The following CPSF3 variants were observed in gnomAD, a reference collection of about 807,000 sequenced individuals.
The protein encoded by CPSF3 is cleavage and polyadenylation specific factor 3.
CPSF3 carries 57 observed loss-of-function variants against 84.1 expected under a neutral mutation model. The observed-to-expected ratio is 0.68, with a 90% CI of 0.55 to 0.85. The LOEUF (loss-of-function observed/expected upper bound fraction) is 0.85. Ranked by LOEUF, CPSF3 falls within the 40% of genes least tolerant of loss-of-function variation. CPSF3 has a pLI of 0.00. For missense variants in CPSF3, 522 were observed against 838.8 expected, an observed-to-expected ratio of 0.62 and a Z score of 4.66; for synonymous variants, 275 against 278.1, an observed-to-expected ratio of 0.99 and a Z score of 0.11.
At chr2:9,437,308 G>A (rs377181181) in intron 7 of CPSF3, among the ~76,000 whole-genome samples, 3 of 152,120 alleles carry the variant, frequency 2.0e-5, no homozygotes, top group Non-Finnish European at 2.9e-5. Context: ...GGAGGCTGGG[G>A]CATGAGAATT....
At chr2:9,471,247 C>A in intron 16 of CPSF3, 96 bp from the exon 17 acceptor site, 1 of 745,302 alleles carries the variant, frequency 1.3e-6, no homozygotes, top group Non-Finnish European at 2.4e-6. Context: ...ATACAGTATT[C>A]TGCTTTAGAA....
At chr2:9,436,581 G>A (rs1311190689) in intron 7 of CPSF3, among the ~76,000 whole-genome samples, 2 of 151,912 alleles carry the variant, frequency 1.3e-5, no homozygotes, top group Non-Finnish European at 2.9e-5. Flanking sequence ...AGACCAGCCT[G>A]ACCAAGATGG....
Position 9,428,470 on chromosome 2 carries a change from A to G in CPSF3, c.51-295A>G, listed in dbSNP as rs191802650. On this transcript the variant is annotated intron_variant, in intron 1 of 17. Coordinates refer to ENST00000238112, the MANE Select transcript of CPSF3 (RefSeq NM_016207.4). Reference sequence around the variant, plus strand: ...ATAATTTAATCCTAAAATTCAGAAAATTGAATTTAAATCAAGCCCAAACCT... The same window carrying G: ...ATAATTTAATCCTAAAATTCAGAAAGTTGAATTTAAATCAAGCCCAAACCT... Among the ~76,000 whole-genome samples the G allele has an allele frequency of 1.7e-4, 26 of 152,308 alleles. No individual in the cohort carries two copies. In the East Asian group the frequency reaches 4.4e-3, roughly 26 times the overall value.
intron 17 of CPSF3, 91 bp downstream of exon 17, chr2:9,471,530 G>C (rs1682164124): frequency 1.3e-6 from 1 of 772,000 alleles, no homozygotes; most frequent in East Asian, 2.5e-5. Context: ...ACAGTCTACT[G>C]TTGCATATTG....
chr2:9,466,644 C>T (rs1365241235), intron 15 of CPSF3, among the ~76,000 whole-genome samples: 2 of 152,178 alleles, frequency 1.3e-5, no homozygotes, highest in East Asian at 1.9e-4. Flanking sequence ...AACCCCATAT[C>T]CCTTACGTAT....
At chr2:9,424,418 A>G (rs1312846268) in intron 1 of CPSF3, 3 of 241,770 alleles carry the variant, frequency 1.2e-5, no homozygotes, top group Non-Finnish European at 2.0e-5. Flanking sequence ...TCGACTGTCC[A>G]TAAGGAGAGT....
At chr2:9,443,450 T>C (rs760117150) in intron 9 of CPSF3, 65 bp from the exon 10 acceptor site, 6 of 1,512,646 alleles carry the variant, frequency 4.0e-6, no homozygotes, top group Non-Finnish European at 4.5e-6. Context: ...ATGAAAAAAA[T>C]GAAAATGTAC....
At chr2:9,441,693 A>T in intron 8 of CPSF3, 125 bp from the exon 9 acceptor site, 1 of 960,934 alleles carries the variant, frequency 1.0e-6, no homozygotes, top group Non-Finnish European at 1.5e-6. Context: ...ATGTTTACAG[A>T]TCTTGTGAAG....
At chr2:9,437,355 G>T (rs1451085093) in intron 7 of CPSF3, among the ~76,000 whole-genome samples, 1 of 151,968 alleles carries the variant, frequency 6.6e-6, no homozygotes, top group Non-Finnish European at 1.5e-5. Flanking sequence ...AGTGAGCCGA[G>T]ATTGCACCAC....
rs927709904 is a variant in CPSF3, at chr2:9,452,099, T to G, written c.1396-814T>G. On this transcript the variant is annotated intron_variant, in intron 11 of 17. Transcript: ENST00000238112. ...ATTCCAACACTTTGGGAGGCCGAGG[T>G]GGGCAGATCATCTGAGGTCAGGAGT... Among the ~76,000 whole-genome samples the G allele has an allele frequency of 1.3e-5, 2 of 151,926 alleles. 1 individual carries two copies. Among genetic ancestry groups the G allele is most frequent in the African/African-American group, 4.8e-5 (2 of 41,402 alleles).
At chr2:9,439,921 A>G (rs1393759073) in intron 7 of CPSF3, among the ~76,000 whole-genome samples, 1 of 152,184 alleles carries the variant, frequency 6.6e-6, no homozygotes, top group East Asian at 1.9e-4. Context: ...TGAGGCTGCC[A>G]TGAGCCATGA....
chr2:9,451,065 T>G (rs1364746093), intron 11 of CPSF3, among the ~76,000 whole-genome samples: 1 of 152,104 alleles, frequency 6.6e-6, no homozygotes, highest in Non-Finnish European at 1.5e-5. Flanking sequence ...GTGGTGGATA[T>G]GTGGGGAGAA....
intron 4 of CPSF3, 137 bp from the exon 5 acceptor site, chr2:9,432,374 A>AT (rs1680621374): frequency 1.7e-6 from 1 of 592,714 alleles, no homozygotes; most frequent in South Asian, 6.6e-5. Flanking sequence ...TATCTGAGAA[A>AT]TTTTAAATAC....
Position 9,430,791 on chromosome 2 carries a change from A to G in CPSF3, c.252A>G (p.Leu84=), listed in dbSNP as rs993778541. ...LDHCGALPWF[L]QKTSFKGRTF... is the part of the protein sequence containing the mutation. ...ACTGTGGAGCTCTGCCCTGGTTTCTACAGAAGACAAGTTTCAAAGGAAGAA... is the reference window on the plus strand; with the variant it reads ...ACTGTGGAGCTCTGCCCTGGTTTCTGCAGAAGACAAGTTTCAAAGGAAGAA... Residue 84 remains leucine, a synonymous_variant, in exon 4 of 18, where the codon CTA becomes CTG. Transcript: ENST00000238112. 4 of 1,613,842 alleles carry G rather than the reference A, an allele frequency of 2.5e-6. No homozygotes were observed. The highest frequency in any genetic ancestry group is 2.2e-5 in the South Asian group (2 of 91,078).
At chr2:9,462,086 G>A (rs1390901436) in intron 15 of CPSF3, among the ~76,000 whole-genome samples, 1 of 152,182 alleles carries the variant, frequency 6.6e-6, no homozygotes, top group African/African-American at 2.4e-5. Context: ...AAGATCATGA[G>A]TAAGTAGTGG....
At position 9,448,282 on chromosome 2, in the gene CPSF3, A is replaced by G. The variant is rs764026488; in HGVS notation, c.1327A>G (p.Ile443Val). The G allele has an allele frequency of 4.3e-6, 7 of 1,613,050 alleles. No homozygotes were observed. The highest frequency in any genetic ancestry group is 2.2e-5 in the East Asian group (1 of 44,834). Residue 443 changes from isoleucine to valine, a missense_variant, in exon 11 of 18, where the codon ATA becomes GTA. By Grantham distance (29) the Ile-to-Val change is conservative. Around this residue, in one of 2 missense-constraint regions of CPSF3, gnomAD observed 329 missense variants for 607.2 expected, o/e 0.54. Transcript: ENST00000238112. ...ATATGAAGATAACGATGAAGTTCACATAGAGGTTCATAATCCTCGGAATAC... is the reference window on the plus strand; with the variant it reads ...ATATGAAGATAACGATGAAGTTCACGTAGAGGTTCATAATCCTCGGAATAC... ...REYEDNDEVHIEVHNPRNTEA... is the reference protein window; with the variant it reads ...REYEDNDEVHVEVHNPRNTEA...
rs952227631 is a variant in CPSF3 at position 9,430,876 on chromosome 2, G to A, written c.337G>A (p.Val113Ile). 1 of 1,611,492 alleles carries A rather than the reference G, an allele frequency of 6.2e-7. No homozygotes were observed. Among genetic ancestry groups the A allele is most frequent in the African/African-American group, 1.3e-5 (1 of 74,806 alleles). Residue 113 changes from valine to isoleucine, a missense_variant, in exon 4 of 18, where the codon GTT (valine) becomes ATT (isoleucine). Coordinates refer to ENST00000238112, the MANE Select transcript of CPSF3 (RefSeq NM_016207.4). ...YRWLLSDYVK[V>I]SNISADDMLY... ...ATGGCTTCTTTCTGATTATGTCAAAGTTAGGTAAATTACTTTATTAGATTA... is the reference window on the plus strand; with the variant it reads ...ATGGCTTCTTTCTGATTATGTCAAAATTAGGTAAATTACTTTATTAGATTA...
intron 10 of CPSF3, among the ~76,000 whole-genome samples, chr2:9,447,658 C>T (rs1021366316): frequency 6.6e-6 from 1 of 152,048 alleles, no homozygotes; most frequent in Non-Finnish European, 1.5e-5. Context: ...ACCTATAGTG[C>T]CAGCTACTCG....
chr2:9,466,340 A>G (rs1364780901), intron 15 of CPSF3, among the ~76,000 whole-genome samples: 15 of 56,758 alleles, frequency 2.6e-4, no homozygotes, highest in South Asian at 1.1e-3. Context: ...GCACGCACAC[A>G]CGCGCGCGCG....
Sources: allele counts gnomAD v4.1 joint callset (sites outside exome capture counted in the v4.1 genomes callset), GRCh38; gene constraint gnomAD v4.1.1; regional missense constraint gnomAD v4.1.1; transcripts MANE v1.5; gene names NCBI Gene and HGNC (gene_info 2026-07-23, HGNC 2026-07-21).